Variants in ARHGAP24 observed in about 807,000 individuals in gnomAD.
ARHGAP24 encodes the protein Rho GTPase activating protein 24, also known as rho GTPase-activating protein 24.
ARHGAP24 carries 50 observed loss-of-function variants against 76.4 expected under a neutral mutation model. The ratio of observed to expected loss-of-function variants is 0.65; its 90% CI spans 0.52 to 0.83. The LOEUF is 0.83. ARHGAP24 is among the 40% of genes least tolerant of loss of function. The probability of loss-of-function intolerance (pLI) is 0.00; values close to 1 mark genes in which losing one functional copy is unlikely to be tolerated. For missense variants in ARHGAP24, 930 were observed against 914.2 expected, an observed-to-expected ratio of 1.02 and a Z score of -0.22; for synonymous variants, 345 against 323.3, an observed-to-expected ratio of 1.07 and a Z score of -0.72.
At chr4:85,604,178 G>A (rs1720119299) in intron 2 of ARHGAP24, 1 of 152,172 alleles carries the variant, frequency 6.6e-6, no homozygotes. Flanking sequence ...TGAATGAGAT[G>A]CTTTGAACTG....
In ARHGAP24 at chr4:85,606,562, C is replaced by T. The variant is rs574639355; in HGVS notation, c.180+35841C>T. On this transcript the variant is annotated intron_variant, in intron 2 of 9. Coordinates refer to ENST00000395184, the MANE Select transcript of ARHGAP24 (RefSeq NM_001025616.3). Reference sequence around the variant, plus strand: ...GGATAAGATAAAGATTTTTTAAGATCGAAGTATAGTCTAGAATCTACTACC... The same window carrying T: ...GGATAAGATAAAGATTTTTTAAGATTGAAGTATAGTCTAGAATCTACTACC... Among the ~76,000 whole-genome samples, 8 of 151,672 alleles carry T rather than the reference C, an allele frequency of 5.3e-5. 1 individual carries two copies. The South Asian group carries it at 1.0e-3, about 20-fold the overall frequency.
At chr4:85,865,204 C>T (rs895335361) in intron 3 of ARHGAP24, among the ~76,000 whole-genome samples, 35 of 151,422 alleles carry the variant, frequency 2.3e-4, no homozygotes, top group African/African-American at 8.3e-4. Flanking sequence ...TATTGTTCTG[C>T]TTCATTTTAT....
At chr4:85,885,847 G>T (rs1481637627) in intron 3 of ARHGAP24, among the ~76,000 whole-genome samples, 1 of 151,854 alleles carries the variant, frequency 6.6e-6, no homozygotes, top group African/African-American at 2.4e-5. Context: ...AGATTATGTT[G>T]GTTGATACTT....
rs11944564 is a variant in ARHGAP24 at position 85,815,640 on chromosome 4, C to T, written c.268+93668C>T. 9.8e-3 allele frequency among the ~76,000 whole-genome samples: 1,494 copies of T among 152,308 alleles called. 28 individuals carry two copies. Among genetic ancestry groups the T allele is most frequent in the African/African-American group, 0.034 (1,400 of 41,568 alleles). ...TGGCTATCAGACTTTTGGCTAAAGC[C>T]ATTCAACGAGTCTGTAGGAAGTTCA... On this transcript the variant is annotated intron_variant, in intron 3 of 9. Transcript: ENST00000395184.
chr4:85,637,599 T>C (rs1447388538), intron 2 of ARHGAP24, among the ~76,000 whole-genome samples: 1 of 152,078 alleles, frequency 6.6e-6, no homozygotes, highest in East Asian at 1.9e-4. Context: ...ATGTTGTATA[T>C]TGGTAAAAGA....
chr4:85,700,335 G>C (rs1017835026), intron 2 of ARHGAP24, among the ~76,000 whole-genome samples: 2 of 151,536 alleles, frequency 1.3e-5, no homozygotes, highest in East Asian at 3.9e-4. Context: ...GGTGGAAGTT[G>C]CAGTGAGCCA....
intron 8 of ARHGAP24, among the ~76,000 whole-genome samples, chr4:85,979,712 A>G (rs1481607830): frequency 6.6e-6 from 1 of 152,210 alleles, no homozygotes; most frequent in Non-Finnish European, 1.5e-5. Flanking sequence ...ACCCAATGGT[A>G]TCTTTAAAAG....
At position 85,545,094 on chromosome 4, in the gene ARHGAP24, C is replaced by CTT. The variant is rs58607125; in HGVS notation, c.-20-25419_-20-25418dup. 3.5e-4 allele frequency among the ~76,000 whole-genome samples: 52 copies of CTT among 150,258 alleles called. 1 individual carries two copies. The highest frequency in any genetic ancestry group is 1.3e-3 in the African/African-American group (51 of 40,656). ...AAAATGATCCAGTGCTCTACAGTTT[C>CTT]TTTTTTTTTTAAATTTTTTAATTTG... On this transcript the variant is annotated intron_variant, in intron 1 of 9. Coordinates refer to ENST00000395184, the MANE Select transcript of ARHGAP24 (RefSeq NM_001025616.3).
At chr4:85,777,997 T>C (rs7657602) in intron 3 of ARHGAP24, among the ~76,000 whole-genome samples, 135,301 of 152,078 alleles carry the variant, frequency 0.89, 62,371 homozygotes, top group East Asian at 1. Context: ...AAAATCTTGA[T>C]AGATTGAAAG....
chr4:85,586,361 T>A lies in ARHGAP24; in HGVS notation c.180+15640T>A, dbSNP rs369370795. 5.9e-5 allele frequency among the ~76,000 whole-genome samples: 9 copies of A among 152,322 alleles called. No individual in the cohort carries two copies. The East Asian group carries it at 1.7e-3, about 29-fold the overall frequency. ...AAGCAGCTTTGGCCCAAAGCCTGCA[T>A]CAATAATAAAGTGTTTGGGAGCTTG... On this transcript the variant is annotated intron_variant, in intron 2 of 9. Transcript: ENST00000395184.
intron 3 of ARHGAP24, among the ~76,000 whole-genome samples, chr4:85,735,528 TG>T (rs1725575599): frequency 1.3e-5 from 2 of 152,236 alleles, no homozygotes; most frequent in African/African-American, 4.8e-5. Context: ...TCCTTTTTTC[TG>T]GGTACACATT....
At chr4:85,761,959 T>C (rs1726751149) in intron 3 of ARHGAP24, among the ~76,000 whole-genome samples, 1 of 152,214 alleles carries the variant, frequency 6.6e-6, no homozygotes, top group Non-Finnish European at 1.5e-5. Context: ...AGTCCTATTT[T>C]GTTTCTTCCC....
At chr4:85,851,748 AT>A (rs1274006529) in intron 3 of ARHGAP24, among the ~76,000 whole-genome samples, 1 of 151,866 alleles carries the variant, frequency 6.6e-6, no homozygotes, top group Non-Finnish European at 1.5e-5. Flanking sequence ...GTTGTAAATT[AT>A]TTTCTTTGAG....
chr4:85,865,290 TTG>T, intron 3 of ARHGAP24, among the ~76,000 whole-genome samples: 1 of 152,002 alleles, frequency 6.6e-6, no homozygotes, highest in South Asian at 2.1e-4. Flanking sequence ...TCCTAAAATT[TTG>T]TGAGTTGGCA....
At chr4:85,966,197 G>A (rs1239490942) in intron 5 of ARHGAP24, among the ~76,000 whole-genome samples, 2 of 152,112 alleles carry the variant, frequency 1.3e-5, no homozygotes, top group Non-Finnish European at 2.9e-5. Context: ...TCAGGCCAGG[G>A]CCGCACCCTC....
chr4:85,821,384 A>T (rs1293826564), intron 3 of ARHGAP24, among the ~76,000 whole-genome samples: 1 of 152,158 alleles, frequency 6.6e-6, no homozygotes, highest in Non-Finnish European at 1.5e-5. Flanking sequence ...TATTATTATG[A>T]TTATTCTGAG....
intron 1 of ARHGAP24, among the ~76,000 whole-genome samples, chr4:85,525,260 T>A (rs1724936981): frequency 6.7e-6 from 1 of 149,242 alleles, no homozygotes; most frequent in Admixed American, 6.7e-5. Context: ...TTATCGGCTT[T>A]TTTTTTTTTT....
chr4:85,786,093 A>G (rs189967584), intron 3 of ARHGAP24, among the ~76,000 whole-genome samples: 75 of 152,266 alleles, frequency 4.9e-4, no homozygotes, highest in African/African-American at 1.7e-3. Context: ...CATAAGTCAT[A>G]CAATTGGGAA....
At chr4:85,509,499 A>G (rs1724195719) in intron 1 of ARHGAP24, among the ~76,000 whole-genome samples, 1 of 152,066 alleles carries the variant, frequency 6.6e-6, no homozygotes, top group Admixed American at 6.5e-5. Context: ...TGTTACAAAA[A>G]CAAAATTCTT....
Sources: gnomAD v4.1 joint callset for allele counts (sites outside exome capture counted in the v4.1 genomes callset) on GRCh38, gnomAD v4.1.1 for gene constraint, MANE v1.5 for transcripts, NCBI Gene and HGNC (gene_info 2026-07-23, HGNC 2026-07-21) for gene names.